CNTNAP5: variants seen among roughly 807,000 people sequenced by gnomAD.
The protein encoded by CNTNAP5 is contactin-associated protein-like 5.
Under a neutral mutation model 150.2 loss-of-function variants are expected in CNTNAP5, and 72 were observed. The ratio of observed to expected loss-of-function variants is 0.48; its 90% CI spans 0.40 to 0.58. CNTNAP5 has a LOEUF of 0.58. Among genes scored for constraint, CNTNAP5 ranks in the 20% least tolerant of loss-of-function variants. The pLI is 0.00. For missense variants in CNTNAP5, 1,636 were observed against 1,626.2 expected (o/e 1.01, Z -0.10); for synonymous variants, 672 against 619.8 (o/e 1.08, Z -1.25).
chr2:124,510,329 A>ATC (rs1694543977), intron 8 of CNTNAP5, among the ~76,000 whole-genome samples: 2 of 100,396 alleles, frequency 2.0e-5, no homozygotes, highest in Non-Finnish European at 4.0e-5. Context: ...ATCTATCTAT[A>ATC]TATATATCTC....
At chr2:124,456,953 A>G (rs1305640532) in intron 6 of CNTNAP5, among the ~76,000 whole-genome samples, 1 of 152,252 alleles carries the variant, frequency 6.6e-6, no homozygotes, top group African/African-American at 2.4e-5. Flanking sequence ...ACCTGAAACT[A>G]CGAAAGTTCT....
chr2:124,707,864 T>C (rs1679724983), intron 13 of CNTNAP5, among the ~76,000 whole-genome samples: 1 of 152,218 alleles, frequency 6.6e-6, no homozygotes, highest in Admixed American at 6.5e-5. Flanking sequence ...ATACAATTAT[T>C]ATTCCAATTT....
intron 1 of CNTNAP5, among the ~76,000 whole-genome samples, chr2:124,177,129 T>C (rs1354888083): frequency 6.6e-6 from 1 of 152,084 alleles, no homozygotes; most frequent in East Asian, 1.9e-4. Flanking sequence ...ACTATAGGTG[T>C]GAATCACCAC....
chr2:124,042,609 C>T (rs879701702), intron 1 of CNTNAP5, among the ~76,000 whole-genome samples: 6 of 151,968 alleles, frequency 3.9e-5, no homozygotes, highest in African/African-American at 1.4e-4. Context: ...GTTTTCAAAG[C>T]ATTTTTAAGG....
chr2:124,496,243 A>G (rs979535262), intron 7 of CNTNAP5, among the ~76,000 whole-genome samples: 6 of 152,208 alleles, frequency 3.9e-5, no homozygotes, highest in African/African-American at 1.4e-4. Context: ...GTGAATAGGA[A>G]GGTAGCTTGA....
chr2:124,530,176 G>A (rs549811429), intron 10 of CNTNAP5, among the ~76,000 whole-genome samples: 3 of 152,180 alleles, frequency 2.0e-5, no homozygotes, highest in African/African-American at 7.2e-5. Context: ...CAGGTGTGGT[G>A]ACACATGTCT....
intron 1 of CNTNAP5, among the ~76,000 whole-genome samples, chr2:124,037,353 TC>T (rs1415511277): frequency 6.6e-6 from 1 of 152,214 alleles, no homozygotes; most frequent in Non-Finnish European, 1.5e-5. Flanking sequence ...AGAATTTGTT[TC>T]ATGGATTTTA....
intron 8 of CNTNAP5, among the ~76,000 whole-genome samples, chr2:124,516,348 G>A (rs1455757378): frequency 6.6e-6 from 1 of 152,118 alleles, no homozygotes; most frequent in Non-Finnish European, 1.5e-5. Context: ...CCTTCGAATT[G>A]TTAAATAAGA....
At chr2:124,115,524 G>T (rs1244229253) in intron 1 of CNTNAP5, among the ~76,000 whole-genome samples, 1 of 152,122 alleles carries the variant, frequency 6.6e-6, no homozygotes, top group Non-Finnish European at 1.5e-5. Context: ...ATAGGCAAAG[G>T]CCTTAAGGTA....
intron 14 of CNTNAP5, among the ~76,000 whole-genome samples, chr2:124,756,821 G>C (rs1680849550): frequency 6.6e-6 from 1 of 151,974 alleles, no homozygotes; most frequent in Non-Finnish European, 1.5e-5. Context: ...CTGGATGCTG[G>C]GCTTAAAAAC....
chr2:124,254,965 G>A (rs758451590), intron 3 of CNTNAP5, among the ~76,000 whole-genome samples: 7 of 152,204 alleles, frequency 4.6e-5, no homozygotes, highest in Non-Finnish European at 8.8e-5. Context: ...CCATATAAGC[G>A]AACATTTTGT....
intron 21 of CNTNAP5, among the ~76,000 whole-genome samples, chr2:124,902,170 A>G (rs1678426807): frequency 6.6e-6 from 1 of 152,172 alleles, no homozygotes. Context: ...TAATCTTACC[A>G]CCAATCTTGA....
chr2:124,037,227 G>A (rs1471601006), intron 1 of CNTNAP5, among the ~76,000 whole-genome samples: 1 of 152,172 alleles, frequency 6.6e-6, no homozygotes, highest in Non-Finnish European at 1.5e-5. Context: ...TGATGGCCTT[G>A]TGGATTCCAT....
At chr2:124,757,197 C>T (rs1422000720) in intron 14 of CNTNAP5, among the ~76,000 whole-genome samples, 2 of 152,198 alleles carry the variant, frequency 1.3e-5, no homozygotes, top group African/African-American at 4.8e-5. Context: ...GAATGTGGAA[C>T]AGAAGAGCTC....
chr2:124,451,872 C>G (rs1015315041), intron 6 of CNTNAP5, among the ~76,000 whole-genome samples: 2 of 152,018 alleles, frequency 1.3e-5, no homozygotes, highest in African/African-American at 4.8e-5. Flanking sequence ...GCAAAATACC[C>G]AAATGAGGAA....
chr2:124,483,796 C>T (rs1693809969), intron 7 of CNTNAP5, among the ~76,000 whole-genome samples: 1 of 152,228 alleles, frequency 6.6e-6, no homozygotes, highest in Non-Finnish European at 1.5e-5. Flanking sequence ...ATCCTCTCTG[C>T]TCTCAGAAAT....
At chr2:124,462,045 C>A (rs1693268964) in intron 6 of CNTNAP5, among the ~76,000 whole-genome samples, 1 of 151,892 alleles carries the variant, frequency 6.6e-6, no homozygotes, top group African/African-American at 2.4e-5. Context: ...CCACCCAAAA[C>A]AGCCCTGTGA....
chr2:124,589,846 C>T (rs1481113007), intron 11 of CNTNAP5, among the ~76,000 whole-genome samples: 1 of 152,166 alleles, frequency 6.6e-6, no homozygotes, highest in African/African-American at 2.4e-5. Flanking sequence ...ATAGTTTCAT[C>T]ATGAGGATTC....
intron 13 of CNTNAP5, among the ~76,000 whole-genome samples, chr2:124,717,941 A>G (rs1679977702): frequency 6.6e-6 from 1 of 152,144 alleles, no homozygotes; most frequent in Non-Finnish European, 1.5e-5. Context: ...ATGGGCAAGG[A>G]CACCTGAAGT....
Sources: allele counts gnomAD v4.1 joint callset (sites outside exome capture counted in the v4.1 genomes callset), GRCh38; gene constraint gnomAD v4.1.1; transcripts MANE v1.5; gene names NCBI Gene and HGNC (gene_info 2026-07-23, HGNC 2026-07-21).